The following MORC2 variants were observed in gnomAD, a reference collection of about 807,000 sequenced individuals.
MORC2 encodes the protein ATPase MORC2.
MORC2 carries 30 observed loss-of-function variants against 136.0 expected under a neutral mutation model. That is an observed-to-expected ratio of 0.22 (90% confidence interval 0.17 to 0.30). The LOEUF is 0.30. MORC2 is among the 10% of genes least tolerant of loss of function. The pLI is 1.00. For synonymous variants in MORC2, 439 were observed against 487.0 expected, an observed-to-expected ratio of 0.90 and a Z score of 1.30; for missense variants, 922 against 1,333.1, an observed-to-expected ratio of 0.69 and a Z score of 4.80.
chr22:30,946,756 G>C (rs983447677), intron 5 of MORC2, among the ~76,000 whole-genome samples: 3 of 152,098 alleles, frequency 2.0e-5, no homozygotes, highest in African/African-American at 7.2e-5. Context: ...CCAGCCCCAG[G>C]TTAGTCTCAC....
intron 1 of MORC2, among the ~76,000 whole-genome samples, chr22:30,966,455 T>C (rs956995562): frequency 1.3e-5 from 2 of 152,204 alleles, no homozygotes; most frequent in Non-Finnish European, 2.9e-5. Context: ...AGGGTCATCA[T>C]ACTTAAGTGT....
At chr22:30,931,040 GAC>G (rs1224514341) in intron 24 of MORC2, among the ~76,000 whole-genome samples, 1 of 152,054 alleles carries the variant, frequency 6.6e-6, no homozygotes, top group Non-Finnish European at 1.5e-5. Context: ...GTCTCCTGAC[GAC>G]CTCTGACACA....
Position 30,940,730 on chromosome 22 carries a change from C to G in MORC2, c.904+28G>C, listed in dbSNP as rs200626561. On this transcript the variant is annotated intron_variant, in intron 10 of 25. Coordinates refer to ENST00000397641, the MANE Select transcript of MORC2 (RefSeq NM_001303256.3). Reference sequence around the variant, plus strand: ...CAGCATACCCCAGATGCACACCCCCCCAACTCCTGCACCCAGAGTGGCATT... The same window carrying G: ...CAGCATACCCCAGATGCACACCCCCGCAACTCCTGCACCCAGAGTGGCATT... 2.8e-3 allele frequency: 4,449 copies of G among 1,607,186 alleles called. 7 individuals are homozygous for G. The highest frequency in any genetic ancestry group is 3.1e-3 in the Non-Finnish European group (3,641 of 1,173,708).
intron 4 of MORC2, 41 bp downstream of exon 4, chr22:30,950,336 C>CGCGGGCG: frequency 1.3e-6 from 1 of 764,020 alleles, no homozygotes; most frequent in Non-Finnish European, 2.4e-6. Context: ...ATGGTTACAT[C>CGCGGGCG]GCACCCCCCC....
chr22:30,939,541 G>A (rs1422955427), intron 12 of MORC2, 80 bp downstream of exon 12: 4 of 1,381,008 alleles, frequency 2.9e-6, no homozygotes, highest in Admixed American at 1.9e-5. Flanking sequence ...AGCAGTCTTG[G>A]TGACAGAATA....
At chr22:30,943,390 T>C (rs1160273999) in intron 6 of MORC2, among the ~76,000 whole-genome samples, 2 of 152,208 alleles carry the variant, frequency 1.3e-5, no homozygotes, top group African/African-American at 4.8e-5. Context: ...GCAACACAGG[T>C]GTTGCCTTTA....
Position 30,941,562 on chromosome 22 carries a change from G to C in MORC2, c.699-4C>G, listed in dbSNP as rs545159423. 1.2e-6 allele frequency: 2 copies of C among 1,611,638 alleles called. No individual in the cohort carries two copies. Among genetic ancestry groups the C allele is most frequent in the Admixed American group, 1.7e-5 (1 of 59,942 alleles). On this transcript the variant is annotated splice_polypyrimidine_tract_variant and splice_region_variant and intron_variant, in intron 8 of 25. Coordinates refer to ENST00000397641, the MANE Select transcript of MORC2 (RefSeq NM_001303256.3). The surrounding 1 kb of genome is among the most constrained non-coding windows in gnomAD (Gnocchi z 4.6). ...GAACGAGCGCCGCTCTGGCTTCCTG[G>C]AGAGGGCAAAAACAGAGAAGTGCTG...
Position 30,935,177 on chromosome 22 carries a change from CAG to C in MORC2, c.1813-18_1813-17del, listed in dbSNP as rs746841218. On this transcript the variant is annotated splice_polypyrimidine_tract_variant and intron_variant, in intron 18 of 25. Coordinates refer to ENST00000397641, the MANE Select transcript of MORC2 (RefSeq NM_001303256.3). The stretch of plus-strand genomic sequence containing the variant: ...GCACAGGTTCCTAAAAAAAGGCCCA[CAG>C]AGAGTGAGAACACTGATCCTAGCAT... 1.2e-6 allele frequency: 2 copies of C among 1,611,992 alleles called. No homozygotes were observed. The highest frequency in any genetic ancestry group is 1.1e-5 in the South Asian group (1 of 90,900).
rs763542037 is a variant in MORC2, at chr22:30,935,018, C to T, written c.1956G>A (p.Lys652=). ...RKAPVISSTP[K]LPALAAREEA... Reference sequence around the variant, plus strand: ...CCTCCCGGGCTGCCAAAGCAGGGAGCTTTGGGGTACTGCTGATGACAGGAG... The same window carrying T: ...CCTCCCGGGCTGCCAAAGCAGGGAGTTTTGGGGTACTGCTGATGACAGGAG... Residue 652 remains lysine (K), a synonymous_variant, in exon 19 of 26, where the codon AAG becomes AAA. Coordinates refer to ENST00000397641, the MANE Select transcript of MORC2 (RefSeq NM_001303256.3). 1.2e-6 allele frequency: 2 copies of T among 1,613,886 alleles called. No homozygotes were observed. Among genetic ancestry groups the T allele is most frequent in the Non-Finnish European group, 1.7e-6 (2 of 1,180,006 alleles).
At chr22:30,957,720 G>GA (rs2040986928) in intron 2 of MORC2, among the ~76,000 whole-genome samples, 1 of 152,158 alleles carries the variant, frequency 6.6e-6, no homozygotes, top group Non-Finnish European at 1.5e-5. Context: ...TAATTGAATG[G>GA]AAAAATGATG....
chr22:30,959,742 A>G (rs1414424197), intron 1 of MORC2, among the ~76,000 whole-genome samples: 1 of 152,230 alleles, frequency 6.6e-6, no homozygotes, highest in East Asian at 1.9e-4. Context: ...TTTTTTGCAT[A>G]GAGTTTCAGC....
Position 30,932,465 on chromosome 22 carries a change from G to T in MORC2, c.2748-13C>A. The T allele has an allele frequency of 6.2e-7, 1 of 1,613,578 alleles. No homozygotes were observed. The highest frequency in any genetic ancestry group is 8.5e-7 in the Non-Finnish European group (1 of 1,179,536). ...CCGTAAACAATTCCTAAAGAAGGCA[G>T]GGACAGTAATTCAGAATGGCATGGA... On this transcript the variant is annotated splice_polypyrimidine_tract_variant and intron_variant, in intron 23 of 25. Transcript: ENST00000397641. This position sits in a 1 kb window ranked among gnomAD's most constrained non-coding sequence, Gnocchi z 4.4.
intron 6 of MORC2, among the ~76,000 whole-genome samples, chr22:30,943,030 A>T (rs1231330479): frequency 6.6e-6 from 1 of 151,968 alleles, no homozygotes; most frequent in Non-Finnish European, 1.5e-5. Context: ...AATAAAAATA[A>T]CCCAAATATC....
intron 24 of MORC2, among the ~76,000 whole-genome samples, chr22:30,930,824 GCCTCCCCCTC>G (rs1350922454): frequency 1.3e-5 from 2 of 151,978 alleles, no homozygotes; most frequent in African/African-American, 4.8e-5. Flanking sequence ...TCCAGCCCTG[GCCTCCCCCTC>G]CCTCCAAGTG....
intron 1 of MORC2, among the ~76,000 whole-genome samples, chr22:30,961,331 C>T (rs2041042204): frequency 6.6e-6 from 1 of 152,138 alleles, no homozygotes; most frequent in Non-Finnish European, 1.5e-5. Flanking sequence ...ACCCCACTAA[C>T]TAGGGAGAAA....
At chr22:30,935,945 A>G (rs1019346576) in intron 17 of MORC2, among the ~76,000 whole-genome samples, 14 of 152,248 alleles carry the variant, frequency 9.2e-5, no homozygotes, top group African/African-American at 3.4e-4. Context: ...TAATGCTCTC[A>G]TATACTGCTG....
At chr22:30,944,198 C>A (rs963887876) in intron 6 of MORC2, among the ~76,000 whole-genome samples, 3 of 152,180 alleles carry the variant, frequency 2.0e-5, no homozygotes, top group Non-Finnish European at 4.4e-5. Context: ...AAAATAGCGA[C>A]CTTCTAGCAC....
At chr22:30,930,831 C>G (rs2040565214) in intron 24 of MORC2, among the ~76,000 whole-genome samples, 1 of 152,160 alleles carries the variant, frequency 6.6e-6, no homozygotes, top group Non-Finnish European at 1.5e-5. Flanking sequence ...CTGGCCTCCC[C>G]CTCCCTCCAA....
At chr22:30,967,179 T>G (rs961546842) in intron 1 of MORC2, 1 of 985,268 alleles carries the variant, frequency 1.0e-6, no homozygotes, top group Non-Finnish European at 1.2e-6. Flanking sequence ...CAGACCATGT[T>G]GGAGTGATTA....
Sources: allele counts gnomAD v4.1 joint callset (sites outside exome capture counted in the v4.1 genomes callset), GRCh38; gene constraint gnomAD v4.1.1; non-coding constraint Gnocchi (gnomAD v3.1); transcripts MANE v1.5; gene names NCBI Gene and HGNC (gene_info 2026-07-23, HGNC 2026-07-21).